The following TMEM154 variants were observed in gnomAD, a reference collection of about 807,000 sequenced individuals.
TMEM154 encodes the protein transmembrane protein 154.
A neutral mutation model predicts 24.5 loss-of-function variants in TMEM154; 27 were observed. That is an observed-to-expected ratio of 1.10 (90% CI 0.81 to 1.52). The LOEUF is 1.52. TMEM154 is among the 40% of genes most tolerant of loss of function. The pLI, the probability that TMEM154 is intolerant of heterozygous loss-of-function variation, is 0.00. For synonymous variants in TMEM154, 67 were observed against 76.8 expected (o/e 0.87, Z 0.67); for missense variants, 228 against 213.4 (o/e 1.07, Z -0.43).
chr4:152,636,889 A>C (rs6813566), intron 6 of TMEM154, among the ~76,000 whole-genome samples: 19,346 of 152,236 alleles, frequency 0.13, 1,830 homozygotes, highest in African/African-American at 0.26. Flanking sequence ...GTCTTCCACT[A>C]AATTCAATTT....
Position 152,619,729 on chromosome 4 carries a change from T to C in TMEM154, c.*8817A>G, listed in dbSNP as rs1169743526. ...CGCTGGACCACAGGCTTGGCTGGGCTCCTATCCGACAGCCAGAACAAACTT... is the reference window on the plus strand; with the variant it reads ...CGCTGGACCACAGGCTTGGCTGGGCCCCTATCCGACAGCCAGAACAAACTT... On this transcript the variant is annotated 3_prime_UTR_variant, in exon 7 of 7. Coordinates refer to ENST00000304385, the MANE Select transcript of TMEM154 (RefSeq NM_152680.3). 1 of 152,168 alleles carries C rather than the reference T, an allele frequency of 6.6e-6. No homozygotes were observed. The highest frequency in any genetic ancestry group is 2.4e-5 in the African/African-American group (1 of 41,452). 9.4% of individuals were successfully genotyped at this position (152,168 alleles called of 1,614,324 possible).
intron 3 of TMEM154, among the ~76,000 whole-genome samples, chr4:152,645,459 C>A (rs1456907734): frequency 6.6e-6 from 1 of 152,140 alleles, no homozygotes; most frequent in Non-Finnish European, 1.5e-5. Flanking sequence ...AGAATTGGAG[C>A]CTGATGTCCC....
In TMEM154 at chr4:152,626,377, C is replaced by T. The variant is rs1252180263; in HGVS notation, c.*2169G>A. ...GTTTAAAAACAATTCTTGAAACTGT[C>T]ATAAACATATGATATCTATTGATTA... On this transcript the variant is annotated 3_prime_UTR_variant, in exon 7 of 7. Transcript: ENST00000304385. 1.3e-5 allele frequency: 2 copies of T among 152,416 alleles called. No individual in the cohort carries two copies. The highest frequency in any genetic ancestry group is 2.4e-5 in the African/African-American group (1 of 41,410). 9.4% of individuals were successfully genotyped at this position (152,416 alleles called of 1,614,324 possible).
At chr4:152,668,650 G>A (rs1348082419) in intron 1 of TMEM154, 3 of 152,296 alleles carry the variant, frequency 2.0e-5, no homozygotes, top group Non-Finnish European at 4.4e-5. Context: ...CAACTGGTAG[G>A]TGGGTGCTTG....
Position 152,678,830 on chromosome 4 carries a change from C to G in TMEM154, c.64+1040G>C, listed in dbSNP as rs75805477. Reference sequence around the variant, plus strand: ...TCCACTTTGTTTTCTACCTCAGATGCCTGGGGGACCACATGGAGAACACCC... The same window carrying G: ...TCCACTTTGTTTTCTACCTCAGATGGCTGGGGGACCACATGGAGAACACCC... On this transcript the variant is annotated intron_variant, in intron 1 of 6. Coordinates refer to ENST00000304385, the MANE Select transcript of TMEM154 (RefSeq NM_152680.3). Among the ~76,000 whole-genome samples the G allele has an allele frequency of 2.4e-3, 363 of 152,292 alleles. 1 individual carries two copies. Among genetic ancestry groups the G allele is most frequent in the African/African-American group, 8.6e-3 (357 of 41,564 alleles).
intron 6 of TMEM154, among the ~76,000 whole-genome samples, chr4:152,637,467 C>T (rs1374926880): frequency 6.6e-6 from 1 of 152,098 alleles, no homozygotes; most frequent in African/African-American, 2.4e-5. Context: ...ACTGCTTGAA[C>T]CCAGGAGGCA....
chr4:152,675,874 T>A (rs1009259075), intron 1 of TMEM154, among the ~76,000 whole-genome samples: 1 of 152,148 alleles, frequency 6.6e-6, no homozygotes, highest in African/African-American at 2.4e-5. Context: ...TCCCAGTCAA[T>A]ATCTTCCCTC....
chr4:152,673,174 G>A (rs1389559855), intron 1 of TMEM154, among the ~76,000 whole-genome samples: 2 of 151,846 alleles, frequency 1.3e-5, no homozygotes, highest in African/African-American at 4.8e-5. Context: ...ACATGTCTAT[G>A]TCCCTAAGCA....
chr4:152,671,518 C>T (rs568823315), intron 1 of TMEM154, among the ~76,000 whole-genome samples: 22 of 151,586 alleles, frequency 1.5e-4, no homozygotes, highest in East Asian at 7.8e-4. Context: ...GAGGCCGAGG[C>T]GGGCAGATCA....
chr4:152,648,468 C>T (rs1358129662), intron 3 of TMEM154, among the ~76,000 whole-genome samples: 7 of 152,142 alleles, frequency 4.6e-5, no homozygotes, highest in African/African-American at 1.2e-4. Context: ...GCATTCCAGC[C>T]GGGGTAACAG....
intron 6 of TMEM154, among the ~76,000 whole-genome samples, chr4:152,635,709 C>T (rs1387102530): frequency 1.3e-5 from 2 of 152,116 alleles, no homozygotes; most frequent in African/African-American, 4.8e-5. Context: ...ATAGAATAAA[C>T]AGTAGAATTA....
At chr4:152,630,184 C>T (rs922075755) in intron 6 of TMEM154, among the ~76,000 whole-genome samples, 1 of 151,542 alleles carries the variant, frequency 6.6e-6, no homozygotes, top group African/African-American at 2.4e-5. Context: ...TGGTGGTGCA[C>T]ACTTGTAGTC....
At chr4:152,659,929 G>A (rs76408102) in intron 1 of TMEM154, among the ~76,000 whole-genome samples, 7,098 of 152,244 alleles carry the variant, frequency 0.047, 206 homozygotes, top group East Asian at 0.072. Flanking sequence ...ATGTGCATGT[G>A]ATCTCTCTCT....
intron 6 of TMEM154, among the ~76,000 whole-genome samples, chr4:152,635,206 A>G (rs1203853759): frequency 2.6e-5 from 4 of 152,226 alleles, no homozygotes; most frequent in Admixed American, 1.3e-4. Context: ...TGACAGACAC[A>G]CCATTCACCG....
At chr4:152,650,418 A>G (rs1373572739) in intron 3 of TMEM154, among the ~76,000 whole-genome samples, 1 of 151,656 alleles carries the variant, frequency 6.6e-6, no homozygotes, top group Non-Finnish European at 1.5e-5. Flanking sequence ...GCAATTTCTC[A>G]GCCACTTAAC....
intron 1 of TMEM154, among the ~76,000 whole-genome samples, chr4:152,671,800 G>A (rs1728846181): frequency 6.7e-6 from 1 of 150,200 alleles, no homozygotes; most frequent in Non-Finnish European, 1.5e-5. Flanking sequence ...AGAGCCCACA[G>A]GAGTCTGAAC....
intron 1 of TMEM154, among the ~76,000 whole-genome samples, chr4:152,664,796 T>C (rs1233078905): frequency 6.6e-6 from 1 of 152,196 alleles, no homozygotes; most frequent in Non-Finnish European, 1.5e-5. Flanking sequence ...ATAGTTAAGA[T>C]GGTAAAATGA....
intron 5 of TMEM154, among the ~76,000 whole-genome samples, chr4:152,641,639 G>A (rs1229801133): frequency 2.0e-5 from 3 of 147,812 alleles, no homozygotes; most frequent in Non-Finnish European, 4.5e-5. Context: ...TTGCCTTTCT[G>A]TGGTGAATTT....
At position 152,628,370 on chromosome 4, in the gene TMEM154, A is replaced by T; in HGVS notation, c.*176T>A. ...GTACTTCTCAATTGCACATTCTTCC[A>T]AGTGCAAGTGATGCCATCATTAGGA... On this transcript the variant is annotated 3_prime_UTR_variant, in exon 7 of 7. Transcript: ENST00000304385. 1 of 1,079,450 alleles carries T rather than the reference A, an allele frequency of 9.3e-7. No homozygotes were observed. The highest frequency in any genetic ancestry group is 1.4e-6 in the Non-Finnish European group (1 of 722,758). 66.9% of individuals were successfully genotyped at this position (1,079,450 alleles called of 1,614,324 possible).
Sources: gnomAD v4.1 joint callset for allele counts (sites outside exome capture counted in the v4.1 genomes callset) on GRCh38, gnomAD v4.1.1 for gene constraint, MANE v1.5 for transcripts, NCBI Gene and HGNC (gene_info 2026-07-23, HGNC 2026-07-21) for gene names.